NADSYN1: variants seen among roughly 807,000 people sequenced by gnomAD.
The protein encoded by NADSYN1 is glutamine-dependent NAD(+) synthetase.
A neutral mutation model predicts 99.3 loss-of-function variants in NADSYN1; 80 were observed. The ratio of observed to expected loss-of-function variants is 0.81; its 90% CI spans 0.67 to 0.97. The LOEUF is 0.97. Ranked by LOEUF, NADSYN1 falls within the 50% of genes least tolerant of loss-of-function variation. The pLI is 0.00. For synonymous variants in NADSYN1, 385 were observed against 372.1 expected (o/e 1.03, Z -0.40); for missense variants, 859 against 948.5 (o/e 0.91, Z 1.24).
chr11:71,498,727 T>C (rs1949837410), intron 20 of NADSYN1, 199 bp downstream of exon 20: 4 of 531,776 alleles, frequency 7.5e-6, no homozygotes, highest in Non-Finnish European at 9.8e-6. Flanking sequence ...ATTCTATATA[T>C]TGATGGTGTC....
chr11:71,478,446 G>A lies in NADSYN1; in HGVS notation c.850G>A (p.Glu284Lys). ...DLEDVRSYRA[E>K]ISSRNLAASR... ...GGAGGACGTCCGGAGCTACAGGGCG[G>A]AGATTTCATCTCGAAACCTGGCGGT... is the stretch of plus-strand genomic sequence containing the variant. Residue 284 changes from glutamate to lysine, a missense_variant, in exon 10 of 21, where the codon GAG becomes AAG. Physicochemically the swap from Glu to Lys is moderately conservative, Grantham distance 56. Coordinates refer to ENST00000319023, the MANE Select transcript of NADSYN1 (RefSeq NM_018161.5). 6.2e-7 allele frequency: 1 copy of A among 1,608,666 alleles called. No individual in the cohort carries two copies. The highest frequency in any genetic ancestry group is 8.5e-7 in the Non-Finnish European group (1 of 1,177,696).
At position 71,481,641 on chromosome 11, in the gene NADSYN1, A is replaced by G. The variant is rs1045030129; in HGVS notation, c.1047+237A>G. The G allele has an allele frequency of 9.4e-5, 57 of 606,002 alleles. 3 individuals carry two copies. The highest frequency in any genetic ancestry group is 5.3e-4 in the Admixed American group (18 of 33,832). The allele number at this position is 606,002 out of a possible 1,614,324, so 37.5% of individuals were successfully genotyped here. ...AGCGGAACCCAGCCCATCAGCATTC[A>G]GGGTCACGCTCACCATCTTGCCAGC... is the stretch of plus-strand genomic sequence containing the variant. On this transcript the variant is annotated intron_variant, in intron 12 of 20. Coordinates refer to ENST00000319023, the MANE Select transcript of NADSYN1 (RefSeq NM_018161.5).
rs1362277029 is a variant in NADSYN1, at chr11:71,482,870, T to G, written c.1172T>G (p.Val391Gly). Residue 391 changes from valine to glycine, a missense_variant, in exon 14 of 21, where the codon GTC becomes GGC. By Grantham distance (109) the Val-to-Gly change is moderately radical (BLOSUM62 -3). Transcript: ENST00000319023. Reference sequence around the variant, plus strand: ...TCAGATGAGGAAGTGCTGGCTGATGTCCGCACCATCGTGAACCAGATCAGC... The same window carrying G: ...TCAGATGAGGAAGTGCTGGCTGATGGCCGCACCATCGTGAACCAGATCAGC... Reference protein sequence around the residue: ...RSGNEEVLADVRTIVNQISYT... With the variant: ...RSGNEEVLADGRTIVNQISYT... 6.2e-7 allele frequency: 1 copy of G among 1,612,600 alleles called. No homozygotes were observed. Among genetic ancestry groups the G allele is most frequent in the Non-Finnish European group, 8.5e-7 (1 of 1,179,514 alleles).
Position 71,501,288 on chromosome 11 carries a change from G to T in NADSYN1, c.2071-14G>T. ...TCTTTGCGGGGCTGTGGTGTCACAG[G>T]CCTCTCTTTCCAGGTGCTACAGCTC... On this transcript the variant is annotated splice_polypyrimidine_tract_variant and intron_variant, in intron 20 of 20. Transcript: ENST00000319023. The T allele has an allele frequency of 3.2e-6, 5 of 1,566,068 alleles. No individual in the cohort carries two copies. The highest frequency in any genetic ancestry group is 4.3e-6 in the Non-Finnish European group (5 of 1,155,316).
chr11:71,459,961 G>T, intron 3 of NADSYN1: 1 of 152,492 alleles, frequency 6.6e-6, no homozygotes. Context: ...AAGGTCGGAG[G>T]TCAAGGGGTC....
At chr11:71,473,130 C>T (rs1362342279) in intron 6 of NADSYN1, 148 bp from the exon 7 acceptor site, 1 of 750,718 alleles carries the variant, frequency 1.3e-6, no homozygotes, top group Non-Finnish European at 2.3e-6. Flanking sequence ...CCATGCGCAG[C>T]CGCAGGGCAC....
At chr11:71,463,581 C>A in intron 4 of NADSYN1, 96 bp downstream of exon 4, 1 of 1,231,416 alleles carries the variant, frequency 8.1e-7, no homozygotes, top group Non-Finnish European at 1.2e-6. Context: ...CCTGGGGACC[C>A]GTTGCTGGGA....
intron 15 of NADSYN1, chr11:71,484,852 T>C (rs1337568420): frequency 9.8e-6 from 2 of 204,112 alleles, no homozygotes; most frequent in Admixed American, 5.2e-5. Context: ...CAAGTGTGGG[T>C]GTGCTTGTGA....
chr11:71,480,927 C>T (rs773566799), intron 11 of NADSYN1, 48 bp downstream of exon 11: 30 of 1,607,528 alleles, frequency 1.9e-5, no homozygotes, highest in African/African-American at 5.3e-5. Context: ...TGTGTGGCCA[C>T]GCCCCTGGGG....
chr11:71,455,049 C>A, intron 1 of NADSYN1, 61 bp from the exon 2 acceptor site: 1 of 1,273,722 alleles, frequency 7.9e-7, no homozygotes, highest in Middle Eastern at 1.9e-4. Context: ...GTTGTTTCAT[C>A]TGTCTTTGAG....
Position 71,485,542 on chromosome 11 carries a change from G to C in NADSYN1, c.1456G>C (p.Ala486Pro), listed in dbSNP as rs537360828. 1.2e-5 allele frequency: 19 copies of C among 1,552,582 alleles called. No homozygotes were observed. The South Asian group carries it at 2.3e-4, about 18-fold the overall frequency. The part of the protein sequence containing the change: ...RENLALQNVQ[A>P]RIRMVLAYLF... ...TTATTTCCTCTGTTGTGTTTTCCAGGCTCGAATACGGATGGTCCTCGCCTA... is the reference window on the plus strand; with the variant it reads ...TTATTTCCTCTGTTGTGTTTTCCAGCCTCGAATACGGATGGTCCTCGCCTA... Residue 486 changes from alanine (A) to proline (P), a missense_variant and splice_region_variant, in exon 16 of 21, where the codon GCT (alanine) becomes CCT (proline). Physicochemically the swap from Ala to Pro is conservative, Grantham distance 27 (BLOSUM62 -1). Transcript: ENST00000319023.
chr11:71,477,289 T>C, intron 9 of NADSYN1: 1 of 1,268,390 alleles, frequency 7.9e-7, no homozygotes, highest in Non-Finnish European at 1.0e-6. Context: ...ATCCTCGCCT[T>C]CCCTCATCTC....
rs112236552 is a variant in NADSYN1, at chr11:71,482,118, G to A, written c.1150+93G>A. On this transcript the variant is annotated intron_variant, in intron 13 of 20. Transcript: ENST00000319023. The stretch of plus-strand genomic sequence containing the variant: ...CTAGGAGGGGGCAGAGGAAACACCC[G>A]TGCCATGGACATCGGGGTGAAGGGG... 4.0e-5 allele frequency: 46 copies of A among 1,138,010 alleles called. 1 individual carries two copies. The highest frequency in any genetic ancestry group is 2.0e-4 in the Middle Eastern group (1 of 5,016). The allele number at this position is 1,138,010 out of a possible 1,614,324, so 70.5% of individuals were successfully genotyped here. A position where few individuals can be genotyped will look rare whatever the true frequency, so the allele number is the denominator to read the frequency against.
intron 5 of NADSYN1, among the ~76,000 whole-genome samples, chr11:71,468,031 G>A (rs1163160014): frequency 6.6e-6 from 1 of 152,222 alleles, no homozygotes; most frequent in Non-Finnish European, 1.5e-5. Flanking sequence ...GCTTCGTAGT[G>A]GTGAAGCCTG....
At position 71,491,787 on chromosome 11, in the gene NADSYN1, C is replaced by T. The variant is rs953260768; in HGVS notation, c.1695-47C>T. 4.4e-6 allele frequency: 7 copies of T among 1,578,688 alleles called. No homozygotes were observed. In the African/African-American group the frequency reaches 6.7e-5, roughly 15 times the overall value. ...TGGGGATTCTCTCCCAGAGCTCACA[C>T]CACCCTCGCAGCTGCACTGACCGAC... On this transcript the variant is annotated intron_variant, in intron 17 of 20. Transcript: ENST00000319023.
At chr11:71,458,355 C>A in intron 2 of NADSYN1, 73 bp from the exon 3 acceptor site, 1 of 1,141,874 alleles carries the variant, frequency 8.8e-7, no homozygotes, top group Non-Finnish European at 1.3e-6. Flanking sequence ...TCAGACTGGA[C>A]TGGCCCACAG....
chr11:71,453,303 C>T lies in NADSYN1; in HGVS notation c.7C>T (p.Arg3Trp), dbSNP rs756459302. Reference protein sequence around the residue: MGRKVTVATCALN... With the variant: MGWKVTVATCALN... ...CCAAGCGACTGCGGCCAGGATGGGC[C>T]GGAAGGTGACCGTGGCCACCTGCGC... The change falls in exon 1 of 21, where the codon CGG (arginine) becomes TGG (tryptophan). Residue 3 changes from arginine to tryptophan, a missense_variant. Physicochemically the swap from Arg to Trp is moderately radical, Grantham distance 101. Coordinates refer to ENST00000319023, the MANE Select transcript of NADSYN1 (RefSeq NM_018161.5). 6.2e-6 allele frequency: 10 copies of T among 1,613,482 alleles called. No homozygotes were observed. Among genetic ancestry groups the T allele is most frequent in the Non-Finnish European group, 7.6e-6 (9 of 1,179,712 alleles).
Position 71,455,190 on chromosome 11 carries a change from C to A in NADSYN1, c.146+20C>A, listed in dbSNP as rs760355779. ...AATATGGTGAGAACAGACACAGACA[C>A]CCTGGGGTCGTCAGCTAGCGATACC... On this transcript the variant is annotated intron_variant, in intron 2 of 20. Coordinates refer to ENST00000319023, the MANE Select transcript of NADSYN1 (RefSeq NM_018161.5). 6.2e-7 allele frequency: 1 copy of A among 1,606,236 alleles called. No homozygotes were observed. The highest frequency in any genetic ancestry group is 8.5e-7 in the Non-Finnish European group (1 of 1,174,604).
intron 17 of NADSYN1, among the ~76,000 whole-genome samples, 192 bp from the exon 18 acceptor site, chr11:71,491,630 GCCACACCAGTGC>G (rs1346171856): frequency 6.6e-6 from 1 of 152,142 alleles, no homozygotes; most frequent in Non-Finnish European, 1.5e-5. Flanking sequence ...GGGTCGTGAG[GCCACACCAGTGC>G]CCACACTCCT....
Sources: allele counts gnomAD v4.1 joint callset (sites outside exome capture counted in the v4.1 genomes callset), GRCh38; gene constraint gnomAD v4.1.1; transcripts MANE v1.5; gene names NCBI Gene and HGNC (gene_info 2026-07-23, HGNC 2026-07-21).